The following CCDC3 variants were observed in gnomAD, a reference collection of about 807,000 sequenced individuals.
CCDC3 encodes the protein coiled-coil domain containing 3.
CCDC3 carries 24 observed loss-of-function variants against 21.4 expected under a neutral mutation model. That is an observed-to-expected ratio of 1.12 (90% confidence interval 0.81 to 1.58). The LOEUF (loss-of-function observed/expected upper bound fraction) is 1.58, where lower values mean the gene tolerates loss of function less well. Among genes scored for constraint, CCDC3 ranks in the 40% most tolerant of loss-of-function variants. CCDC3 has a pLI of 0.00. For synonymous variants in CCDC3, 186 were observed against 166.0 expected, an observed-to-expected ratio of 1.12 and a Z score of -0.93; for missense variants, 425 against 360.9, an observed-to-expected ratio of 1.18 and a Z score of -1.44.
At chr10:13,067,659 T>C (rs1017869287) in intron 4 of CCDC3, among the ~76,000 whole-genome samples, 59 of 152,186 alleles carry the variant, frequency 3.9e-4, no homozygotes, top group African/African-American at 1.4e-3. Flanking sequence ...GGTTCAATCC[T>C]GGCTTAGGGA....
chr10:12,939,538 G>A lies in CCDC3; in HGVS notation c.550-40859C>T, dbSNP rs561817654. On this transcript the variant is annotated intron_variant, in intron 2 of 2. Coordinates refer to ENST00000378825, the MANE Select transcript of CCDC3 (RefSeq NM_031455.4). The stretch of plus-strand genomic sequence containing the variant: ...CTTGGGAGGCTGAGGGGGGATGATC[G>A]TGGCACTGCACTCTGGCCTGAGTGA... Among the ~76,000 whole-genome samples, 6 of 152,174 alleles carry A rather than the reference G, an allele frequency of 3.9e-5. No individual in the cohort carries two copies. In the East Asian group the frequency reaches 1.2e-3, roughly 29 times the overall value.
At chr10:12,925,044 T>C (rs886400805) in intron 2 of CCDC3, among the ~76,000 whole-genome samples, 1 of 152,136 alleles carries the variant, frequency 6.6e-6, no homozygotes, top group African/African-American at 2.4e-5. Flanking sequence ...CAGAAGCCTC[T>C]GTGTGTTGAA....
chr10:12,920,950 A>G (rs1280697685), intron 2 of CCDC3, among the ~76,000 whole-genome samples: 1 of 152,244 alleles, frequency 6.6e-6, no homozygotes, highest in East Asian at 1.9e-4. Context: ...AGGGGCTCAC[A>G]GAGGAGGGCA....
At chr10:12,948,240 C>T (rs1411722413) in intron 2 of CCDC3, among the ~76,000 whole-genome samples, 3 of 152,154 alleles carry the variant, frequency 2.0e-5, no homozygotes, top group African/African-American at 7.2e-5. Context: ...TCGCCTTCCA[C>T]CATAATTGTG....
intron 2 of CCDC3, among the ~76,000 whole-genome samples, chr10:12,982,192 G>A (rs1454677545): frequency 7.1e-6 from 1 of 141,608 alleles, no homozygotes; most frequent in Non-Finnish European, 1.5e-5. Context: ...ATGGTCACAC[G>A]CTGCAACGTG....
At chr10:12,909,052 T>A (rs969663421) in intron 2 of CCDC3, among the ~76,000 whole-genome samples, 1 of 152,224 alleles carries the variant, frequency 6.6e-6, no homozygotes, top group African/African-American at 2.4e-5. Context: ...TCCATCTTCC[T>A]GGTATCCTTG....
intron 3 of CCDC3, among the ~76,000 whole-genome samples, chr10:13,087,943 G>T (rs1837132030): frequency 6.6e-6 from 1 of 152,150 alleles, no homozygotes; most frequent in Non-Finnish European, 1.5e-5. Context: ...GCAAGCTGAG[G>T]ATCTGTATAA....
Position 13,063,598 on chromosome 10 carries a change from C to G in CCDC3, c.-270+10270G>C, listed in dbSNP as rs17152790. 2.5e-3 allele frequency among the ~76,000 whole-genome samples: 387 copies of G among 152,260 alleles called. 1 individual carries two copies. Among genetic ancestry groups the G allele is most frequent in the African/African-American group, 8.8e-3 (367 of 41,544 alleles). ...TCAAGGTTCAGTACCTTCAAAGCCA[C>G]GTAAATAGTAAGGAATGGATCTAAG... On this transcript the variant is annotated intron_variant, in intron 4 of 6. Transcript: ENST00000378839.
intron 3 of CCDC3, among the ~76,000 whole-genome samples, chr10:13,092,885 G>A (rs897250156): frequency 2.0e-5 from 3 of 152,294 alleles, no homozygotes; most frequent in Admixed American, 1.3e-4. Context: ...AGGGGAGCAG[G>A]AACTCTGCCC....
At chr10:13,074,325 A>ATTT (rs543893110) in intron 3 of CCDC3, among the ~76,000 whole-genome samples, 1 of 62,828 alleles carries the variant, frequency 1.6e-5, no homozygotes, top group African/African-American at 6.4e-5. Context: ...ATCCCGGCTA[A>ATTT]TTTTTTTTTT....
chr10:13,025,409 C>A (rs1221682671), intron 5 of CCDC3, among the ~76,000 whole-genome samples: 1 of 152,160 alleles, frequency 6.6e-6, no homozygotes, highest in Non-Finnish European at 1.5e-5. Flanking sequence ...TAGCCAAACA[C>A]AGAATTAACA....
intron 5 of CCDC3, among the ~76,000 whole-genome samples, chr10:13,033,292 AG>A (rs1182394817): frequency 2.6e-5 from 4 of 152,238 alleles, no homozygotes; most frequent in African/African-American, 7.2e-5. Flanking sequence ...AGCCATATGT[AG>A]AAAGCTGAAA....
upstream of CCDC3, among the ~76,000 whole-genome samples, chr10:13,005,482 A>G (rs1199033440): frequency 6.6e-6 from 1 of 152,214 alleles, no homozygotes; most frequent in African/African-American, 2.4e-5. Flanking sequence ...CACCCAATTC[A>G]TGATGAGAAG....
At chr10:12,989,135 C>A (rs1021123573) in intron 2 of CCDC3, among the ~76,000 whole-genome samples, 11 of 152,192 alleles carry the variant, frequency 7.2e-5, no homozygotes, top group Non-Finnish European at 1.5e-4. Flanking sequence ...CCCAACGCTG[C>A]CCATGCAGCT....
At chr10:13,064,365 G>A (rs1031220837) in intron 4 of CCDC3, among the ~76,000 whole-genome samples, 2 of 152,244 alleles carry the variant, frequency 1.3e-5, no homozygotes, top group Middle Eastern at 6.8e-3. Context: ...TGGTCTTCAC[G>A]AAATAAATTA....
chr10:12,976,624 A>G (rs1835421363), intron 2 of CCDC3, among the ~76,000 whole-genome samples: 1 of 152,254 alleles, frequency 6.6e-6, no homozygotes, highest in East Asian at 1.9e-4. Flanking sequence ...ATGGATAAAA[A>G]CAGATGTGCA....
At chr10:12,980,742 T>C (rs984501029) in intron 2 of CCDC3, among the ~76,000 whole-genome samples, 2 of 152,074 alleles carry the variant, frequency 1.3e-5, no homozygotes, top group African/African-American at 4.8e-5. Context: ...TCATTCTTCT[T>C]TGCCTAGACC....
intron 5 of CCDC3, among the ~76,000 whole-genome samples, chr10:13,026,377 A>G (rs1435471869): frequency 6.6e-6 from 1 of 152,218 alleles, no homozygotes; most frequent in African/African-American, 2.4e-5. Context: ...AGGATACTAC[A>G]GAAATTAATT....
rs571446420 is a variant in CCDC3, at chr10:12,956,890, C to T, written c.549+41448G>A. Reference sequence around the variant, plus strand: ...TCCAGTCTGAAAAAACTCAAGGCTGCCAACAGAATTTACCATTTGTTCTAG... The same window carrying T: ...TCCAGTCTGAAAAAACTCAAGGCTGTCAACAGAATTTACCATTTGTTCTAG... On this transcript the variant is annotated intron_variant, in intron 2 of 2. Transcript: ENST00000378825. Among the ~76,000 whole-genome samples, 3 of 152,320 alleles carry T rather than the reference C, an allele frequency of 2.0e-5. No homozygotes were observed. The South Asian group carries it at 6.2e-4, about 32-fold the overall frequency.
Sources: gnomAD v4.1 joint callset for allele counts (sites outside exome capture counted in the v4.1 genomes callset) on GRCh38, gnomAD v4.1.1 for gene constraint, MANE v1.5 for transcripts, NCBI Gene and HGNC (gene_info 2026-07-23, HGNC 2026-07-21) for gene names.